The following GRTP1 variants were observed in gnomAD, a reference collection of about 807,000 sequenced individuals.
GRTP1 encodes the protein growth hormone regulated TBC protein 1.
Under a neutral mutation model 38.1 loss-of-function variants are expected in GRTP1, and 56 were observed. The ratio of observed to expected loss-of-function variants is 1.47; its 90% confidence interval spans 1.19 to 1.84. The LOEUF (loss-of-function observed/expected upper bound fraction) is 1.84. Among genes scored for constraint, GRTP1 ranks in the 40% most tolerant of loss-of-function variants. GRTP1 has a pLI of 0.00. For synonymous variants in GRTP1, 217 were observed against 189.5 expected (o/e 1.14, Z -1.19); for missense variants, 506 against 453.9 (o/e 1.11, Z -1.04).
At chr13:113,332,216 C>T (rs1211685411) in intron 5 of GRTP1, among the ~76,000 whole-genome samples, 1 of 150,168 alleles carries the variant, frequency 6.7e-6, no homozygotes, top group Non-Finnish European at 1.5e-5. Context: ...CGTCACCTCC[C>T]TATCTGCACG....
At chr13:113,328,339 CCATA>C (rs1246018837) in intron 5 of GRTP1, among the ~76,000 whole-genome samples, 1 of 152,202 alleles carries the variant, frequency 6.6e-6, no homozygotes, top group East Asian at 1.9e-4. Flanking sequence ...TGGGCAGGGG[CCATA>C]CAAAGACGGT....
chr13:113,332,215 C>T (rs1258274517), intron 5 of GRTP1, among the ~76,000 whole-genome samples: 1 of 152,314 alleles, frequency 6.6e-6, no homozygotes, highest in South Asian at 2.1e-4. Flanking sequence ...CCGTCACCTC[C>T]CTATCTGCAC....
chr13:113,337,045 G>A (rs1286791893), intron 5 of GRTP1, among the ~76,000 whole-genome samples: 4 of 152,334 alleles, frequency 2.6e-5, no homozygotes, highest in South Asian at 4.1e-4. Flanking sequence ...TGTAATCCCG[G>A]CACTTTGGAA....
chr13:113,350,582 C>T (rs1041109838), intron 4 of GRTP1, among the ~76,000 whole-genome samples: 2 of 114,612 alleles, frequency 1.7e-5, no homozygotes, highest in Admixed American at 1.0e-4. Context: ...ACAGCACACA[C>T]ACCCCACAGC....
chr13:113,355,051 G>A (rs1410760699), intron 3 of GRTP1: 1 of 355,676 alleles, frequency 2.8e-6, no homozygotes, highest in Non-Finnish European at 5.1e-6. Context: ...GCCTCTCCCT[G>A]TCCCGCGAGT....
chr13:113,363,614 T>G, intron 2 of GRTP1, 148 bp downstream of exon 2: 1 of 802,322 alleles, frequency 1.2e-6, no homozygotes, highest in East Asian at 2.8e-5. Context: ...TCCCTGCGGC[T>G]GCCCTAGCTC....
In GRTP1 at chr13:113,344,880, A is replaced by C. The variant is rs1175720772; in HGVS notation, c.545T>G (p.Val182Gly). 1 of 1,608,648 alleles carries C rather than the reference A, an allele frequency of 6.2e-7. No homozygotes were observed. Among genetic ancestry groups the C allele is most frequent in the African/African-American group, 1.3e-5 (1 of 74,906 alleles). The change falls in exon 5 of 8, where the codon GTT becomes GGT. Residue 182 changes from valine to glycine, a missense_variant. Coordinates refer to ENST00000375431, the MANE Select transcript of GRTP1 (RefSeq NM_024719.4). Reference protein sequence around the residue: ...EESFWLLDALVGRILPDYYSP... With the variant: ...EESFWLLDALGGRILPDYYSP... ...CAACATACCTGGTAGTATTCTTCCAACAAGAGCATCTAACAGCCAAAAAGA... is the reference window on the plus strand; with the variant it reads ...CAACATACCTGGTAGTATTCTTCCACCAAGAGCATCTAACAGCCAAAAAGA...
intron 5 of GRTP1, among the ~76,000 whole-genome samples, chr13:113,341,045 C>CG (rs2043019193): frequency 1.4e-5 from 2 of 145,162 alleles, no homozygotes; most frequent in South Asian, 4.4e-4. Flanking sequence ...ATATCTTATC[C>CG]TTTTTTTTTT....
chr13:113,326,064 A>G lies in GRTP1; in HGVS notation c.590T>C (p.Leu197Pro). ...PDYYSPAMLG[L>P]KTDQEVLGEL... ...CCCGAGGACCTCCTGGTCGGTCTTC[A>G]GGCCCAGCATGGCCGGGCTGTAGTA... The change falls in exon 6 of 8, where the codon CTG becomes CCG. Residue 197 changes from leucine (L) to proline (P), a missense_variant. Coordinates refer to ENST00000375431, the MANE Select transcript of GRTP1 (RefSeq NM_024719.4). The G allele has an allele frequency of 1.2e-6, 2 of 1,611,530 alleles. No individual in the cohort carries two copies. Among genetic ancestry groups the G allele is most frequent in the Non-Finnish European group, 1.7e-6 (2 of 1,179,926 alleles).
chr13:113,355,649 A>G (rs1461780531), intron 2 of GRTP1, 168 bp from the exon 3 acceptor site: 4 of 737,824 alleles, frequency 5.4e-6, no homozygotes, highest in Non-Finnish European at 6.0e-6. Flanking sequence ...CTCCTTTAAA[A>G]ATTCTGCTCT....
rs541922258 is a variant in GRTP1 at position 113,349,313 on chromosome 13, C to T, written c.465+1536G>A. 1.3e-5 allele frequency among the ~76,000 whole-genome samples: 2 copies of T among 151,810 alleles called. No homozygotes were observed. The highest frequency in any genetic ancestry group is 2.0e-4 in the East Asian group (1 of 5,124). On this transcript the variant is annotated intron_variant, in intron 4 of 7. Transcript: ENST00000375431. This position sits in a 1 kb window ranked among gnomAD's most constrained non-coding sequence, Gnocchi z 5.0. ...AAACGACCCTCTCACCTCAGCCCCT[C>T]GAGCAGCCGGGACCACAGGCGTGTG...
At chr13:113,347,377 A>T (rs796939988) in intron 4 of GRTP1, among the ~76,000 whole-genome samples, 70 of 7,914 alleles carry the variant, frequency 8.8e-3, no homozygotes, top group East Asian at 0.045. Context: ...AGGACCTCTG[A>T]AGCCGAGAGC....
In GRTP1 at chr13:113,343,247, C is replaced by T. The variant is rs1189577269; in HGVS notation, c.562+1616G>A. Among the ~76,000 whole-genome samples, 1 of 152,180 alleles carries T rather than the reference C, an allele frequency of 6.6e-6. No homozygotes were observed. The highest frequency in any genetic ancestry group is 1.5e-5 in the Non-Finnish European group (1 of 68,036). ...CTAACTCCATCTGCCTCTAATTTCACCATTCCACCTGGTCCAGGTGTTCAC... is the reference window on the plus strand; with the variant it reads ...CTAACTCCATCTGCCTCTAATTTCATCATTCCACCTGGTCCAGGTGTTCAC... On this transcript the variant is annotated intron_variant, in intron 5 of 7. Coordinates refer to ENST00000375431, the MANE Select transcript of GRTP1 (RefSeq NM_024719.4). This position sits in a 1 kb window ranked among gnomAD's most constrained non-coding sequence, Gnocchi z 4.8.
Position 113,324,451 on chromosome 13 carries a change from T to G in GRTP1, c.*37A>C. On this transcript the variant is annotated 3_prime_UTR_variant, in exon 8 of 8. Coordinates refer to ENST00000375431, the MANE Select transcript of GRTP1 (RefSeq NM_024719.4). ...GTGTCAACTCTGGAAAGGGGCATCG[T>G]CAGTGTAGAGACGAGCAACGCAGGG... is the stretch of plus-strand genomic sequence containing the variant. 2.0e-6 allele frequency: 3 copies of G among 1,532,510 alleles called. No individual in the cohort carries two copies. The highest frequency in any genetic ancestry group is 1.8e-6 in the Non-Finnish European group (2 of 1,138,348). 94.9% of individuals were successfully genotyped at this position (1,532,510 alleles called of 1,614,324 possible). A position where few individuals can be genotyped will look rare whatever the true frequency, so the allele number is the denominator to read the frequency against.
chr13:113,329,884 C>T (rs764065235), intron 5 of GRTP1, among the ~76,000 whole-genome samples: 11 of 152,212 alleles, frequency 7.2e-5, no homozygotes, highest in East Asian at 1.9e-4. Context: ...AAAATGGTTA[C>T]GTGAATGAGA....
intron 5 of GRTP1, among the ~76,000 whole-genome samples, chr13:113,329,289 C>T (rs2042821675): frequency 6.6e-6 from 1 of 152,166 alleles, no homozygotes; most frequent in Non-Finnish European, 1.5e-5. Context: ...TTAAAAATTA[C>T]CGCATTGGCC....
chr13:113,324,754 A>G, intron 7 of GRTP1, 177 bp from the exon 8 acceptor site: 1 of 1,376,586 alleles, frequency 7.3e-7, no homozygotes. Flanking sequence ...CCTGGGGCCT[A>G]GGACTGCAGC....
intron 5 of GRTP1, among the ~76,000 whole-genome samples, chr13:113,328,814 G>A (rs903134581): frequency 3.3e-5 from 5 of 152,214 alleles, no homozygotes; most frequent in African/African-American, 7.2e-5. Flanking sequence ...TCCCAGGGGC[G>A]TCTCCCTCTC....
In GRTP1 at chr13:113,348,094, T is replaced by TG. The variant is rs2043201538; in HGVS notation, c.465+2754dup. On this transcript the variant is annotated intron_variant, in intron 4 of 7. Coordinates refer to ENST00000375431, the MANE Select transcript of GRTP1 (RefSeq NM_024719.4). This position sits in a 1 kb window ranked among gnomAD's most constrained non-coding sequence, Gnocchi z 4.8. ...GACCCCTTTGAGTGGACAGTGCTAC[T>TG]GGACCTGGGAGAGGGCGACCATGTG... is the stretch of plus-strand genomic sequence containing the variant. Among the ~76,000 whole-genome samples, 2 of 152,156 alleles carry TG rather than the reference T, an allele frequency of 1.3e-5. No individual in the cohort carries two copies.
Sources: gnomAD v4.1 joint callset for allele counts (sites outside exome capture counted in the v4.1 genomes callset) on GRCh38, gnomAD v4.1.1 for gene constraint, Gnocchi (gnomAD v3.1) non-coding constraint, MANE v1.5 for transcripts, NCBI Gene and HGNC (gene_info 2026-07-23, HGNC 2026-07-21) for gene names.